The following DAB1 variants were observed in gnomAD, a reference collection of about 807,000 sequenced individuals.
DAB1 encodes disabled homolog 1.
DAB1 carries 15 observed loss-of-function variants against 64.6 expected under a neutral mutation model. The ratio of observed to expected loss-of-function variants is 0.23; its 90% CI spans 0.16 to 0.36. The LOEUF is 0.36. Among genes scored for constraint, DAB1 ranks in the 10% least tolerant of loss-of-function variants. The pLI is 1.00. For missense variants in DAB1, 596 were observed against 706.7 expected, an observed-to-expected ratio of 0.84 and a Z score of 1.78; for synonymous variants, 235 against 251.9, an observed-to-expected ratio of 0.93 and a Z score of 0.64.
chr1:57,196,880 A>G (rs1664665966), intron 2 of DAB1, among the ~76,000 whole-genome samples: 1 of 152,222 alleles, frequency 6.6e-6, no homozygotes, highest in Non-Finnish European at 1.5e-5. Context: ...CATGATAATA[A>G]CTGAGATTAG....
At chr1:57,197,026 T>A (rs1381872896) in intron 2 of DAB1, among the ~76,000 whole-genome samples, 2 of 152,144 alleles carry the variant, frequency 1.3e-5, no homozygotes, top group African/African-American at 2.4e-5. Flanking sequence ...GAGATGAGGA[T>A]ACAGAGGCAC....
intron 5 of DAB1, among the ~76,000 whole-genome samples, chr1:58,019,572 A>C (rs1570235812): frequency 6.6e-6 from 1 of 152,192 alleles, no homozygotes; most frequent in South Asian, 2.1e-4. Context: ...CACATTTCTA[A>C]CTGCACCATG....
intron 5 of DAB1, among the ~76,000 whole-genome samples, chr1:58,067,512 C>G (rs967527796): frequency 6.6e-6 from 1 of 152,184 alleles, no homozygotes; most frequent in Non-Finnish European, 1.5e-5. Context: ...AGCAGCCCAT[C>G]AGTAATTGGT....
At chr1:57,071,314 G>T in intron 6 of DAB1, 2 of 687,644 alleles carry the variant, frequency 2.9e-6, no homozygotes, top group Non-Finnish European at 4.7e-6. Context: ...CTCTGGATTC[G>T]AGATTTCACT....
chr1:57,845,783 A>G (rs1177100439), intron 1 of DAB1, among the ~76,000 whole-genome samples: 1 of 152,226 alleles, frequency 6.6e-6, no homozygotes, highest in Non-Finnish European at 1.5e-5. Context: ...CCCTTTTGAT[A>G]TATCTTAAGT....
At chr1:57,686,419 C>A (rs1348564284) in intron 6 of DAB1, among the ~76,000 whole-genome samples, 1 of 152,022 alleles carries the variant, frequency 6.6e-6, no homozygotes, top group Non-Finnish European at 1.5e-5. Flanking sequence ...ACCTACCAAC[C>A]AGAAAAGAAA....
intron 9 of DAB1, among the ~76,000 whole-genome samples, chr1:57,060,636 A>G (rs545992307): frequency 1.3e-5 from 2 of 152,306 alleles, no homozygotes; most frequent in Non-Finnish European, 2.9e-5. Flanking sequence ...GTTCAGAGCG[A>G]AAGTCCAGAA....
At chr1:57,192,550 T>TACCATAACCATC (rs1470262676) in intron 2 of DAB1, among the ~76,000 whole-genome samples, 1 of 152,178 alleles carries the variant, frequency 6.6e-6, no homozygotes, top group Non-Finnish European at 1.5e-5. Flanking sequence ...GAACTGCTGT[T>TACCATAACCATC]ACCATAACCA....
intron 1 of DAB1, among the ~76,000 whole-genome samples, chr1:58,531,150 T>C (rs888702107): frequency 6.6e-6 from 1 of 152,190 alleles, no homozygotes. Flanking sequence ...TTAATATAGT[T>C]GCATCATTTT....
rs74977534 is a variant in DAB1, at chr1:58,331,394, G to T, written n.309+11958C>A. ...TGTGGAAATGACAACAAAGCACTTAGAGTAGTACACAAATTTAGTAGATAA... is the reference window on the plus strand; with the variant it reads ...TGTGGAAATGACAACAAAGCACTTATAGTAGTACACAAATTTAGTAGATAA... On this transcript the variant is annotated intron_variant and non_coding_transcript_variant, in intron 4 of 20. Transcript: ENST00000485760. Among the ~76,000 whole-genome samples, 161 of 152,348 alleles carry T rather than the reference G, an allele frequency of 1.1e-3. 3 individuals carry two copies. The East Asian group carries it at 0.024, about 23-fold the overall frequency.
intron 6 of DAB1, among the ~76,000 whole-genome samples, chr1:57,752,593 T>C (rs778215638): frequency 3.3e-5 from 5 of 152,170 alleles, no homozygotes; most frequent in Non-Finnish European, 7.3e-5. Flanking sequence ...TGAAAGTCTA[T>C]TTGATTTCAC....
chr1:57,186,824 T>C (rs897783882), intron 2 of DAB1, among the ~76,000 whole-genome samples: 4 of 152,244 alleles, frequency 2.6e-5, no homozygotes, highest in Admixed American at 1.3e-4. Context: ...GCTGGGAAAT[T>C]AACTATTCTG....
At position 58,269,519 on chromosome 1, in the gene DAB1, G is replaced by C. The variant is rs948517599; in HGVS notation, n.309+73833C>G. Among the ~76,000 whole-genome samples, 44 of 104,576 alleles carry C rather than the reference G, an allele frequency of 4.2e-4. 1 individual carries two copies. In the East Asian group the frequency reaches 0.013, roughly 31 times the overall value. The allele number at this position is 104,576 out of a possible 152,430, so 68.6% of individuals were successfully genotyped here. ...TGTCTTTATAGCAGCATGATTTATA[G>C]TCATTTGGGTATATACCCAGTAATG... On this transcript the variant is annotated intron_variant and non_coding_transcript_variant, in intron 4 of 20. Transcript: ENST00000485760.
At chr1:57,924,048 A>G (rs1190872688) in intron 5 of DAB1, among the ~76,000 whole-genome samples, 1 of 152,256 alleles carries the variant, frequency 6.6e-6, no homozygotes, top group Non-Finnish European at 1.5e-5. Flanking sequence ...ACAAGGCTGA[A>G]TACAAATTTT....
In DAB1 at chr1:58,293,394, T is replaced by C. The variant is rs551489199; in HGVS notation, n.309+49958A>G. ...TCCATTTGTTTATTGTTTCTGCAAA[T>C]GCTCAGCAGAGCCAAAAAATATCAA... is the stretch of plus-strand genomic sequence containing the variant. On this transcript the variant is annotated intron_variant and non_coding_transcript_variant, in intron 4 of 20. Coordinates refer to the DAB1 transcript ENST00000485760. Among the ~76,000 whole-genome samples the C allele has an allele frequency of 7.2e-5, 11 of 152,264 alleles. 1 individual carries two copies. In the South Asian group the frequency reaches 1.2e-3, roughly 17 times the overall value.
At chr1:57,421,071 C>G (rs1322394067) in intron 1 of DAB1, among the ~76,000 whole-genome samples, 1 of 152,178 alleles carries the variant, frequency 6.6e-6, no homozygotes, top group Admixed American at 6.5e-5. Flanking sequence ...TCCAAGCATC[C>G]TAAATCTACC....
In DAB1 at chr1:57,015,213, C is replaced by T; in HGVS notation, c.1114G>A (p.Val372Ile). The T allele has an allele frequency of 6.2e-7, 1 of 1,614,026 alleles. No individual in the cohort carries two copies. The highest frequency in any genetic ancestry group is 8.5e-7 in the Non-Finnish European group (1 of 1,179,988). Residue 372 changes from valine to isoleucine, a missense_variant, in exon 12 of 15, where the codon GTT becomes ATT. Around this residue, in one of 3 missense-constraint regions of DAB1, gnomAD observed 377 missense variants for 400.4 expected, o/e 0.94. Transcript: ENST00000371236. ...AACATGGCAGCTGGCAAAGGCATAA[C>T]AGTTTGTGTGGGCATGAAGGCGGCT... ...PPAAFMPTQT[V>I]MPLPAAMFQG... is the part of the protein sequence containing the mutation.
rs58863239 is a variant in DAB1, at chr1:58,232,476, T to TACACAC, written n.310-81894_310-81889dup. 8.6e-3 allele frequency among the ~76,000 whole-genome samples: 1,245 copies of TACACAC among 144,096 alleles called. 8 individuals carry two copies. The highest frequency in any genetic ancestry group is 0.04 in the East Asian group (188 of 4,660). 94.5% of individuals were successfully genotyped at this position (144,096 alleles called of 152,430 possible). ...CAGGATGGGCTGACATCTGAGTGAATACACACACACACACACACACACACA... is the reference window on the plus strand; with the variant it reads ...CAGGATGGGCTGACATCTGAGTGAATACACACACACACACACACACACACACACACA... On this transcript the variant is annotated intron_variant and non_coding_transcript_variant, in intron 4 of 20. Transcript: ENST00000485760.
At chr1:57,612,855 T>C (rs541089978) in intron 7 of DAB1, among the ~76,000 whole-genome samples, 1 of 152,226 alleles carries the variant, frequency 6.6e-6, no homozygotes, top group South Asian at 2.1e-4. Flanking sequence ...GAATAGTGCT[T>C]AGATCATAGG....
Sources: gnomAD v4.1 joint callset for allele counts (sites outside exome capture counted in the v4.1 genomes callset) on GRCh38, gnomAD v4.1.1 for gene constraint, gnomAD v4.1.1 regional missense constraint, MANE v1.5 for transcripts, NCBI Gene and HGNC (gene_info 2026-07-23, HGNC 2026-07-21) for gene names.